The following SPTBN5 variants were observed in gnomAD, a reference collection of about 807,000 sequenced individuals.
The protein encoded by SPTBN5 is spectrin beta, non-erythrocytic 5, also known as spectrin beta chain, non-erythrocytic 5.
A neutral mutation model predicts 477.6 loss-of-function variants in SPTBN5; 513 were observed. The ratio of observed to expected loss-of-function variants is 1.07; its 90% CI spans 1.00 to 1.16. The LOEUF (loss-of-function observed/expected upper bound fraction) is 1.16, where lower values mean the gene tolerates loss of function less well. Among genes scored for constraint, SPTBN5 ranks in the 50% most tolerant of loss-of-function variants. SPTBN5 has a pLI of 0.00. For missense variants in SPTBN5, 5,062 were observed against 4,731.8 expected (o/e 1.07, Z -2.05); for synonymous variants, 2,169 against 2,011.7 (o/e 1.08, Z -2.09).
intron 66 of SPTBN5, 24 bp from the exon 67 acceptor site, chr15:41,849,983 T>TGTA (rs1260288517): frequency 6.4e-7 from 1 of 1,556,204 alleles, no homozygotes; most frequent in African/African-American, 1.4e-5. Context: ...GAATAACCAC[T>TGTA]GTTAGCCCGG....
chr15:41,853,820 C>T, intron 57 of SPTBN5, 33 bp from the exon 58 acceptor site: 1 of 1,520,538 alleles, frequency 6.6e-7, no homozygotes, highest in Non-Finnish European at 8.9e-7. Flanking sequence ...GGCCTCAGTC[C>T]CCCCACTGAG....
In SPTBN5 at chr15:41,852,919, C is replaced by T. The variant is rs891241859; in HGVS notation, c.10252G>A (p.Glu3418Lys). 9 of 1,599,490 alleles carry T rather than the reference C, an allele frequency of 5.6e-6. No individual in the cohort carries two copies. Among genetic ancestry groups the T allele is most frequent in the Admixed American group, 3.5e-5 (2 of 57,384 alleles). ...AWALRWQRCAESWGLQKLRQR... is the reference protein window; with the variant it reads ...AWALRWQRCAKSWGLQKLRQR... Reference sequence around the variant, plus strand: ...CGAAGCTTCTGCAGGCCCCAGCTCTCGGCACAGCGTTGCCAGCGCAGGGCC... The same window carrying T: ...CGAAGCTTCTGCAGGCCCCAGCTCTTGGCACAGCGTTGCCAGCGCAGGGCC... The change falls in exon 60 of 68, where the codon GAG becomes AAG. Residue 3418 changes from glutamate (E) to lysine (K), a missense_variant. By Grantham distance (56) the Glu-to-Lys change is moderately conservative. Coordinates refer to ENST00000320955, the MANE Select transcript of SPTBN5 (RefSeq NM_016642.4).
Position 41,857,514 on chromosome 15 carries a change from A to C in SPTBN5, c.8365-20T>G. The C allele has an allele frequency of 6.2e-7, 1 of 1,602,994 alleles. No homozygotes were observed. The highest frequency in any genetic ancestry group is 1.1e-5 in the South Asian group (1 of 90,412). On this transcript the variant is annotated intron_variant, in intron 50 of 67. Coordinates refer to ENST00000320955, the MANE Select transcript of SPTBN5 (RefSeq NM_016642.4). ...CAGGGCCTAGGGTAGAAAGTGAGGT[A>C]GGCAGGAGGGGAGTGTCCTGGAGCC...
chr15:41,860,552 C>A, intron 47 of SPTBN5, 34 bp downstream of exon 47: 1 of 1,354,264 alleles, frequency 7.4e-7, no homozygotes, highest in Non-Finnish European at 9.5e-7. Flanking sequence ...TGCCAGCCTG[C>A]CCACAGCACC....
In SPTBN5 at chr15:41,882,778, G is replaced by T. The variant is rs1009321768; in HGVS notation, c.1893-40C>A. 1.6e-5 allele frequency: 25 copies of T among 1,590,610 alleles called. No individual in the cohort carries two copies. The African/African-American group carries it at 3.2e-4, about 21-fold the overall frequency. Reference sequence around the variant, plus strand: ...GGGCCACCGAAGGACATGGGGAGTCGTGAGGCATGGGCAGTGGGTTCCCCT... The same window carrying T: ...GGGCCACCGAAGGACATGGGGAGTCTTGAGGCATGGGCAGTGGGTTCCCCT... On this transcript the variant is annotated intron_variant, in intron 9 of 67. Coordinates refer to ENST00000320955, the MANE Select transcript of SPTBN5 (RefSeq NM_016642.4).
Position 41,868,501 on chromosome 15 carries a change from T to C in SPTBN5, c.5954A>G (p.His1985Arg). 10 of 1,611,158 alleles carry C rather than the reference T, an allele frequency of 6.2e-6. No homozygotes were observed. Among genetic ancestry groups the C allele is most frequent in the Non-Finnish European group, 8.5e-6 (10 of 1,179,776 alleles). ...PSSGPLKLSA[H>R]QWLRAELEAR... Reference sequence around the variant, plus strand: ...CTCCAGCTCCGCCCGGAGCCACTGGTGGGCACTGAGCTTCAGCGGGCCACT... The same window carrying C: ...CTCCAGCTCCGCCCGGAGCCACTGGCGGGCACTGAGCTTCAGCGGGCCACT... Residue 1985 changes from histidine (H) to arginine (R), a missense_variant, in exon 33 of 68, where the codon CAC becomes CGC. Coordinates refer to ENST00000320955, the MANE Select transcript of SPTBN5 (RefSeq NM_016642.4).
chr15:41,868,535 C>G lies in SPTBN5; in HGVS notation c.5920G>C (p.Glu1974Gln). The G allele has an allele frequency of 6.2e-7, 1 of 1,606,894 alleles. No individual in the cohort carries two copies. Among genetic ancestry groups the G allele is most frequent in the Non-Finnish European group, 8.5e-7 (1 of 1,179,692 alleles). Residue 1974 changes from glutamate to glutamine, a missense_variant, in exon 33 of 68, where the codon GAG (glutamate) becomes CAG (glutamine). By Grantham distance (29) the Glu-to-Gln change is conservative. Coordinates refer to ENST00000320955, the MANE Select transcript of SPTBN5 (RefSeq NM_016642.4). ...QDLQVEESSQ[E>Q]PSSGPLKLSA... Reference sequence around the variant, plus strand: ...AGCTTCAGCGGGCCACTGCTAGGCTCTTGCGAACTCTCCTCCACCTGCAGG... The same window carrying G: ...AGCTTCAGCGGGCCACTGCTAGGCTGTTGCGAACTCTCCTCCACCTGCAGG...
Position 41,888,074 on chromosome 15 carries a change from C to T in SPTBN5, c.513G>A (p.Gly171=). ...SHISLDKEEF[G]ASAALLSTKE... is the part of the protein sequence containing the mutation. Reference sequence around the variant, plus strand: ...TGGTGGACAGCAGGGCTGCGCTGGCCCCAAACTCCTCCTGGCGGGACAGGG... The same window carrying T: ...TGGTGGACAGCAGGGCTGCGCTGGCTCCAAACTCCTCCTGGCGGGACAGGG... Residue 171 remains glycine, a synonymous_variant, in exon 5 of 68, where the codon GGG becomes GGA. Coordinates refer to ENST00000320955, the MANE Select transcript of SPTBN5 (RefSeq NM_016642.4). 1.3e-6 allele frequency: 2 copies of T among 1,571,826 alleles called. No homozygotes were observed. Among genetic ancestry groups the T allele is most frequent in the Non-Finnish European group, 1.7e-6 (2 of 1,159,230 alleles).
At chr15:41,871,292 C>T in intron 29 of SPTBN5, 83 bp downstream of exon 29, 4 of 1,318,840 alleles carry the variant, frequency 3.0e-6, no homozygotes, top group Non-Finnish European at 3.9e-6. Flanking sequence ...TCACAGCATG[C>T]CATCCTCTCT....
At position 41,875,088 on chromosome 15, in the gene SPTBN5, C is replaced by T. The variant is rs553103308; in HGVS notation, c.4288-32G>A. ...GGGACGCATGGAGCTGCATTAGGTT[C>T]TCTGTGTACAGCACAGCAAGTGGCC... On this transcript the variant is annotated intron_variant, in intron 22 of 67. Transcript: ENST00000320955. 2.6e-5 allele frequency: 41 copies of T among 1,577,738 alleles called. No individual in the cohort carries two copies. The East Asian group carries it at 6.4e-4, about 25-fold the overall frequency.
intron 41 of SPTBN5, 31 bp from the exon 42 acceptor site, chr15:41,862,934 G>T: frequency 6.5e-7 from 1 of 1,546,786 alleles, no homozygotes. Context: ...GTTACCTGCT[G>T]GGCCTTTGCT....
At position 41,878,408 on chromosome 15, in the gene SPTBN5, G is replaced by A. The variant is rs1227558720; in HGVS notation, c.3404C>T (p.Ala1135Val). 2 of 1,613,774 alleles carry A rather than the reference G, an allele frequency of 1.2e-6. No homozygotes were observed. The highest frequency in any genetic ancestry group is 1.7e-6 in the Non-Finnish European group (2 of 1,179,882). The part of the protein sequence containing the change: ...LRSKEVSVDV[A>V]SAQRLLREHQ... ...CTCCCTCAGCAGCCGCTGAGCCGAG[G>A]CCACATCCACTGACACCTCCTTGCT... The change falls in exon 17 of 68, where the codon GCC becomes GTC. Residue 1135 changes from alanine (A) to valine (V), a missense_variant. By Grantham distance (64) the Ala-to-Val change is moderately conservative. Transcript: ENST00000320955.
Position 41,880,156 on chromosome 15 carries a change from G to A in SPTBN5, c.2811+4C>T, listed in dbSNP as rs1170640352. The A allele has an allele frequency of 3.8e-6, 6 of 1,593,562 alleles. No individual in the cohort carries two copies. Among genetic ancestry groups the A allele is most frequent in the South Asian group, 1.1e-5 (1 of 87,412 alleles). ...GAGGAGGTGCCAAGCTCCCAGGGCT[G>A]TACCTCATATTTGAGCTGCATGACC... is the stretch of plus-strand genomic sequence containing the variant. On this transcript the variant is annotated splice_donor_region_variant and intron_variant, in intron 14 of 67. Coordinates refer to ENST00000320955, the MANE Select transcript of SPTBN5 (RefSeq NM_016642.4).
intron 17 of SPTBN5, 51 bp from the exon 18 acceptor site, chr15:41,877,407 G>T: frequency 6.4e-7 from 1 of 1,573,466 alleles, no homozygotes; most frequent in Non-Finnish European, 8.6e-7. Flanking sequence ...TCCCTCGTCA[G>T]CCTCCTTCTC....
At position 41,852,249 on chromosome 15, in the gene SPTBN5, G is replaced by C; in HGVS notation, c.10517C>G (p.Ser3506Cys). The C allele has an allele frequency of 6.2e-7, 1 of 1,610,540 alleles. No homozygotes were observed. The highest frequency in any genetic ancestry group is 8.5e-7 in the Non-Finnish European group (1 of 1,178,542). Residue 3506 changes from serine (S) to cysteine (C), a missense_variant, in exon 62 of 68, where the codon TCC (serine) becomes TGC (cysteine). Physicochemically the swap from Ser to Cys is moderately radical, Grantham distance 112 (BLOSUM62 -1). Coordinates refer to ENST00000320955, the MANE Select transcript of SPTBN5 (RefSeq NM_016642.4). ...KPGRAGSSLT[S>C]FQWRPSGHQG... ...GTGTCCAGAGGGCCTCCACTGAAAG[G>C]ATGTCAGCGAGCTGCCAGCTCTCCC...
chr15:41,876,015 AT>A, intron 21 of SPTBN5, 98 bp downstream of exon 21: 2 of 1,444,398 alleles, frequency 1.4e-6, no homozygotes, highest in Non-Finnish European at 1.9e-6. Context: ...GCTGAGGCTG[AT>A]TTTTCCTTCA....
rs764200252 is a variant in SPTBN5, at chr15:41,877,374, CAG to C, written c.3471-20_3471-19del. ...GCTGCAGCCTGACCAGGATGACAGGCAGAGAGTCAAACCCCAGCAGGCTCCCT... is the reference window on the plus strand; with the variant it reads ...GCTGCAGCCTGACCAGGATGACAGGCAGAGTCAAACCCCAGCAGGCTCCCT... On this transcript the variant is annotated intron_variant, in intron 17 of 67. Transcript: ENST00000320955. The C allele has an allele frequency of 3.1e-6, 5 of 1,599,852 alleles. No homozygotes were observed. In the South Asian group the frequency reaches 3.4e-5, roughly 11 times the overall value.
chr15:41,853,852 G>A, intron 57 of SPTBN5, 65 bp from the exon 58 acceptor site: 1 of 1,460,370 alleles, frequency 6.8e-7, no homozygotes, highest in South Asian at 1.3e-5. Flanking sequence ...TCTGCATTCA[G>A]GAGCACCAGG....
In SPTBN5 at chr15:41,893,026, C is replaced by G; in HGVS notation, c.252G>C (p.Leu84=). 6.2e-7 allele frequency: 1 copy of G among 1,611,456 alleles called. No individual in the cohort carries two copies. Among genetic ancestry groups the G allele is most frequent in the East Asian group, 2.2e-5 (1 of 44,890 alleles). ...GIKIRNLYTE[L]ADGIHLLRLL... is the part of the protein sequence containing the mutation. ...GCCGCAGGAGGTGGATGCCGTCAGC[C>G]AGCTCTGTGTACAGGTTCCGGATCT... is the stretch of plus-strand genomic sequence containing the variant. Residue 84 remains leucine, a synonymous_variant, in exon 3 of 68, where the codon CTG becomes CTC. Transcript: ENST00000320955.
Sources: gnomAD v4.1 joint callset for allele counts on GRCh38, gnomAD v4.1.1 for gene constraint, MANE v1.5 for transcripts, NCBI Gene and HGNC (gene_info 2026-07-23, HGNC 2026-07-21) for gene names.